RC3H2: variants seen among roughly 807,000 people sequenced by gnomAD.
RC3H2 encodes ring finger and CCCH-type domains 2, also known as roquin-2.
RC3H2 carries 31 observed loss-of-function variants against 133.3 expected under a neutral mutation model. That is an observed-to-expected ratio of 0.23 (90% CI 0.17 to 0.31). RC3H2 has a LOEUF of 0.31. Among genes scored for constraint, RC3H2 ranks in the 10% least tolerant of loss-of-function variants. The pLI is 1.00. For missense variants in RC3H2, 1,175 were observed against 1,437.2 expected (o/e 0.82, Z 2.95); for synonymous variants, 517 against 502.2 (o/e 1.03, Z -0.40).
At chr9:122,898,397 T>A (rs1307400324) in intron 1 of RC3H2, among the ~76,000 whole-genome samples, 1 of 152,106 alleles carries the variant, frequency 6.6e-6, no homozygotes, top group African/African-American at 2.4e-5. Flanking sequence ...ATATGCATGA[T>A]TAAAAACTGA....
At chr9:122,879,577 G>A (rs1190569033) in intron 8 of RC3H2, among the ~76,000 whole-genome samples, 178 bp downstream of exon 8, 1 of 152,070 alleles carries the variant, frequency 6.6e-6, no homozygotes, top group Non-Finnish European at 1.5e-5. Context: ...CTAAACTCTT[G>A]GTGTGCTATG....
chr9:122,859,475 A>C (rs1164595198), intron 11 of RC3H2, among the ~76,000 whole-genome samples: 1 of 152,238 alleles, frequency 6.6e-6, no homozygotes, highest in Admixed American at 6.5e-5. Context: ...AACACACAAC[A>C]GAGCTATTAA....
chr9:122,884,543 G>A (rs982561992), intron 4 of RC3H2, among the ~76,000 whole-genome samples: 7 of 152,032 alleles, frequency 4.6e-5, no homozygotes, highest in African/African-American at 1.7e-4. Context: ...GAGAACATCA[G>A]ACAAACCTAA....
At chr9:122,868,895 G>GT (rs10709763) in intron 9 of RC3H2, among the ~76,000 whole-genome samples, 3 of 99,588 alleles carry the variant, frequency 3.0e-5, no homozygotes, top group African/African-American at 1.3e-4. Context: ...GTGTGTATGT[G>GT]TTTTTTTTTT....
Position 122,849,342 on chromosome 9 carries a change from T to C in RC3H2, c.*285A>G, listed in dbSNP as rs1401837998. 6.5e-6 allele frequency: 1 copy of C among 153,074 alleles called. No homozygotes were observed. Among genetic ancestry groups the C allele is most frequent in the Non-Finnish European group, 1.5e-5 (1 of 68,812 alleles). The allele number at this position is 153,074 out of a possible 1,614,324, so 9.5% of individuals were successfully genotyped here. On this transcript the variant is annotated 3_prime_UTR_variant, in exon 21 of 21. Coordinates refer to ENST00000357244, the MANE Select transcript of RC3H2 (RefSeq NM_001100588.3). ...TGGCTCAGTTACTGCACCGGATTGC[T>C]ACAAACTCATAAAAAGCTGCTTGAA...
chr9:122,861,881 G>A (rs2131400682), intron 10 of RC3H2, among the ~76,000 whole-genome samples: 1 of 152,164 alleles, frequency 6.6e-6, no homozygotes, highest in African/African-American at 2.4e-5. Flanking sequence ...CAAACGTAAG[G>A]GTTTAGAGTA....
chr9:122,853,378 T>TAAAAAA (rs72033785), intron 18 of RC3H2, among the ~76,000 whole-genome samples: 21 of 83,552 alleles, frequency 2.5e-4, no homozygotes, highest in East Asian at 7.5e-4. Flanking sequence ...GAATGATCAA[T>TAAAAAA]AAAAAAAAAA....
At chr9:122,892,505 G>A (rs548928514) in intron 3 of RC3H2, among the ~76,000 whole-genome samples, 259 of 151,876 alleles carry the variant, frequency 1.7e-3, no homozygotes, top group Middle Eastern at 3.4e-3. Flanking sequence ...TCTGCCTCCC[G>A]GGTTCACGCC....
At chr9:122,882,601 A>T (rs1403775761) in intron 5 of RC3H2, among the ~76,000 whole-genome samples, 2 of 152,250 alleles carry the variant, frequency 1.3e-5, no homozygotes, top group African/African-American at 4.8e-5. Context: ...TTAAGGATTC[A>T]GCTTGCTTTC....
At chr9:122,855,702 C>T (rs774562157) in intron 14 of RC3H2, 30 bp downstream of exon 14, 2 of 1,597,034 alleles carry the variant, frequency 1.3e-6, no homozygotes, top group Non-Finnish European at 8.5e-7. Context: ...TCTCTCACCT[C>T]CAACCCCTGC....
intron 2 of RC3H2, among the ~76,000 whole-genome samples, chr9:122,895,447 T>C (rs1383896019): frequency 6.6e-6 from 1 of 152,140 alleles, no homozygotes; most frequent in African/African-American, 2.4e-5. Context: ...AGATTACAGG[T>C]GTAAGCCACT....
At chr9:122,877,093 CAG>C (rs534859830) in intron 9 of RC3H2, among the ~76,000 whole-genome samples, 80 of 152,284 alleles carry the variant, frequency 5.3e-4, no homozygotes, top group African/African-American at 1.8e-3. Flanking sequence ...TGTTGTGAGG[CAG>C]AGTCTTGCTG....
At chr9:122,865,772 A>C in intron 9 of RC3H2, 115 bp from the exon 10 acceptor site, 1 of 815,898 alleles carries the variant, frequency 1.2e-6, no homozygotes, top group Non-Finnish European at 1.9e-6. Context: ...TTTTGACAAA[A>C]AGTTTCTTCA....
Position 122,877,528 on chromosome 9 carries a change from C to T in RC3H2, c.1268G>A (p.Gly423Glu). The part of the protein sequence containing the change: ...TSMCRDLRQQ[G>E]GCPRGTNCTF... Reference sequence around the variant, plus strand: ...ACAATTTGTTCCTCGTGGACAACCCCCTTGCTGTCGCAAATCTCGGCACAT... The same window carrying T: ...ACAATTTGTTCCTCGTGGACAACCCTCTTGCTGTCGCAAATCTCGGCACAT... Residue 423 changes from glycine to glutamate, a missense_variant, in exon 9 of 21, where the codon GGG (glycine) becomes GAG (glutamate). Coordinates refer to ENST00000357244, the MANE Select transcript of RC3H2 (RefSeq NM_001100588.3). 2 of 1,614,230 alleles carry T rather than the reference C, an allele frequency of 1.2e-6. No individual in the cohort carries two copies. Among genetic ancestry groups the T allele is most frequent in the Non-Finnish European group, 1.7e-6 (2 of 1,180,020 alleles).
At chr9:122,853,788 A>C (rs1266332588) in intron 18 of RC3H2, 164 bp downstream of exon 18, 1 of 1,465,436 alleles carries the variant, frequency 6.8e-7, no homozygotes, top group African/African-American at 1.4e-5. Flanking sequence ...AGAATTATTT[A>C]AGAAATCTGG....
rs115882478 is a variant in RC3H2 at position 122,892,373 on chromosome 9, A to G, written c.349+536T>C. 7.2e-3 allele frequency among the ~76,000 whole-genome samples: 1,101 copies of G among 152,098 alleles called. 12 individuals carry two copies. The highest frequency in any genetic ancestry group is 0.025 in the African/African-American group (1,023 of 41,462). The stretch of plus-strand genomic sequence containing the variant: ...AGAAATCTACCCACCTTAGCCTTAT[A>G]AAGTGCTCAGATTACAGGCATGAAG... On this transcript the variant is annotated intron_variant, in intron 3 of 20. Transcript: ENST00000357244.
In RC3H2 at chr9:122,849,744, G is replaced by A. The variant is rs1416355328; in HGVS notation, c.3459C>T (p.Cys1153=). ...PLPVSISNAS[C]LPITTSVSAG... ...CACTGACAGATGTGGTGATGGGGAG[G>A]CAACTTGCATTGCTAATAGACACTG... Residue 1153 remains cysteine, a synonymous_variant, in exon 21 of 21, where the codon TGC becomes TGT. Coordinates refer to ENST00000357244, the MANE Select transcript of RC3H2 (RefSeq NM_001100588.3). 6.2e-7 allele frequency: 1 copy of A among 1,609,310 alleles called. No homozygotes were observed. The highest frequency in any genetic ancestry group is 8.5e-7 in the Non-Finnish European group (1 of 1,177,602).
intron 9 of RC3H2, among the ~76,000 whole-genome samples, chr9:122,866,826 C>A (rs1014303366): frequency 2.0e-5 from 3 of 152,026 alleles, no homozygotes; most frequent in Non-Finnish European, 2.9e-5. Flanking sequence ...CCGGCCGCCA[C>A]CCCGTCTGGG....
chr9:122,855,691 A>T (rs1222637372), intron 14 of RC3H2, 41 bp downstream of exon 14: 3 of 1,576,094 alleles, frequency 1.9e-6, no homozygotes, highest in Non-Finnish European at 2.6e-6. Flanking sequence ...AACATGCATC[A>T]TCTCTCACCT....
Sources: gnomAD v4.1 joint callset for allele counts (sites outside exome capture counted in the v4.1 genomes callset) on GRCh38, gnomAD v4.1.1 for gene constraint, MANE v1.5 for transcripts, NCBI Gene and HGNC (gene_info 2026-07-23, HGNC 2026-07-21) for gene names.